The following ECE1 variants were observed in gnomAD, a reference collection of about 807,000 sequenced individuals.
The protein encoded by ECE1 is endothelin converting enzyme 1.
A neutral mutation model predicts 98.6 loss-of-function variants in ECE1; 35 were observed. The observed-to-expected ratio is 0.35, with a 90% CI of 0.27 to 0.47. The LOEUF (loss-of-function observed/expected upper bound fraction) is 0.47. ECE1 is among the 20% of genes least tolerant of loss of function. The probability of loss-of-function intolerance (pLI) is 1.00; values close to 1 mark genes in which losing one functional copy is unlikely to be tolerated. For missense variants in ECE1, 814 were observed against 1,025.3 expected, an observed-to-expected ratio of 0.79 and a Z score of 2.81; for synonymous variants, 394 against 407.1, an observed-to-expected ratio of 0.97 and a Z score of 0.39.
intron 1 of ECE1, among the ~76,000 whole-genome samples, chr1:21,341,006 C>T (rs2103420921): frequency 6.6e-6 from 1 of 152,180 alleles, no homozygotes; most frequent in South Asian, 2.1e-4. Flanking sequence ...GCACAGCGGT[C>T]TGTACTCTTG....
At chr1:21,304,302 C>T (rs1453096156) in intron 1 of ECE1, among the ~76,000 whole-genome samples, 3 of 120,706 alleles carry the variant, frequency 2.5e-5, no homozygotes, top group South Asian at 2.7e-4. Flanking sequence ...GGCAACAGAG[C>T]GAGACTCCCT....
In ECE1 at chr1:21,225,082, C is replaced by A. The variant is rs983967121; in HGVS notation, c.2040+168G>T. ...AAGCCCTGTGGTGGGGGAGCCTCCA[C>A]GGTCGGCATCGCGATTGGTCCTCGC... On this transcript the variant is annotated intron_variant, in intron 17 of 18. Transcript: ENST00000374893. The surrounding 1 kb of genome is among the most constrained non-coding windows in gnomAD (Gnocchi z 5.3). Among the ~76,000 whole-genome samples the A allele has an allele frequency of 6.6e-6, 1 of 152,208 alleles. No homozygotes were observed. The highest frequency in any genetic ancestry group is 1.5e-5 in the Non-Finnish European group (1 of 68,036).
intron 1 of ECE1, among the ~76,000 whole-genome samples, chr1:21,328,284 A>C (rs938991178): frequency 6.6e-6 from 1 of 152,176 alleles, no homozygotes; most frequent in Non-Finnish European, 1.5e-5. Context: ...GGCTCCTCTG[A>C]CATAAACTCC....
At chr1:21,244,317 C>T (rs1443056882) in intron 10 of ECE1, among the ~76,000 whole-genome samples, 1 of 152,142 alleles carries the variant, frequency 6.6e-6, no homozygotes, top group African/African-American at 2.4e-5. Flanking sequence ...GGGTACAGAC[C>T]CCAGCTCACC....
At chr1:21,247,096 C>T (rs2098204723) in intron 9 of ECE1, 125 bp downstream of exon 9, 2 of 1,355,344 alleles carry the variant, frequency 1.5e-6, no homozygotes, top group African/African-American at 1.4e-5. Context: ...GTCCTGCTGC[C>T]TCTCGTAAAA....
In ECE1 at chr1:21,258,669, C is replaced by G. The variant is rs201197078; in HGVS notation, c.762+24G>C. The G allele has an allele frequency of 6.8e-6, 11 of 1,614,128 alleles. No individual in the cohort carries two copies. In the East Asian group the frequency reaches 2.5e-4, roughly 36 times the overall value. On this transcript the variant is annotated intron_variant, in intron 6 of 18. Transcript: ENST00000374893. This position sits in a 1 kb window ranked among gnomAD's most constrained non-coding sequence, Gnocchi z 4.2. ...AAGAGGTCGTGCCCGCCCCCTCGAC[C>G]GCTGCAGGTTCAAGCTAGCTCACCT...
At chr1:21,309,992 G>A (rs531283994) in intron 1 of ECE1, among the ~76,000 whole-genome samples, 5 of 146,692 alleles carry the variant, frequency 3.4e-5, no homozygotes, top group South Asian at 4.2e-4. Flanking sequence ...GGGTTTCACC[G>A]TGTTAGCCAG....
chr1:21,303,992 C>A (rs1638541488), intron 1 of ECE1, among the ~76,000 whole-genome samples: 2 of 146,116 alleles, frequency 1.4e-5, no homozygotes, highest in Non-Finnish European at 3.0e-5. Flanking sequence ...GATATTATTT[C>A]AAAAAAATGA....
intron 12 of ECE1, among the ~76,000 whole-genome samples, chr1:21,236,532 C>A (rs1007177081): frequency 2.6e-5 from 4 of 152,194 alleles, no homozygotes; most frequent in African/African-American, 7.2e-5. Flanking sequence ...GCCTGTAATC[C>A]CAGCTGCTCG....
At chr1:21,323,981 G>A (rs998398002) in intron 1 of ECE1, among the ~76,000 whole-genome samples, 2 of 151,890 alleles carry the variant, frequency 1.3e-5, no homozygotes, top group African/African-American at 4.8e-5. Flanking sequence ...CACCATGCCC[G>A]GCTAATTTTT....
intron 10 of ECE1, among the ~76,000 whole-genome samples, chr1:21,240,584 TAGGC>T (rs2098194826): frequency 6.6e-6 from 1 of 150,694 alleles, no homozygotes; most frequent in Non-Finnish European, 1.5e-5. Context: ...AAATTCCTTC[TAGGC>T]AAGAAAGAAA....
At chr1:21,317,252 T>C (rs213014) in intron 1 of ECE1, among the ~76,000 whole-genome samples, 71,001 of 152,098 alleles carry the variant, frequency 0.47, 16,795 homozygotes, top group African/African-American at 0.54. Flanking sequence ...CATGCGATCC[T>C]AGTCTTCTCT....
intron 11 of ECE1, among the ~76,000 whole-genome samples, chr1:21,237,085 G>A (rs895284541): frequency 1.7e-4 from 26 of 151,990 alleles, no homozygotes; most frequent in African/African-American, 5.3e-4. Context: ...GATGAGCTTC[G>A]GGAAAGTTGG....
chr1:21,324,275 T>C (rs545296813), intron 1 of ECE1, among the ~76,000 whole-genome samples: 29 of 152,322 alleles, frequency 1.9e-4, no homozygotes, highest in African/African-American at 6.3e-4. Flanking sequence ...TAGCTGGGAC[T>C]ACAGATGTGC....
chr1:21,253,834 G>A lies in ECE1; in HGVS notation c.1020+2113C>T, dbSNP rs1323348515. 4.6e-5 allele frequency among the ~76,000 whole-genome samples: 7 copies of A among 150,694 alleles called. 1 individual carries two copies. The East Asian group carries it at 7.9e-4, about 17-fold the overall frequency. On this transcript the variant is annotated intron_variant, in intron 8 of 18. Coordinates refer to ENST00000374893, the MANE Select transcript of ECE1 (RefSeq NM_001397.3). ...GCCTGTAATCCCAGCACTTTGGGAC[G>A]CCGAGGCGGGTGGATTATGAGGTCA...
rs1340788360 is a variant in ECE1 at position 21,217,761 on chromosome 1, T to C, written c.*2194A>G. On this transcript the variant is annotated 3_prime_UTR_variant, in exon 19 of 19. Transcript: ENST00000374893. ...GCTTCTGCTTCAGCTACTTCTCGGG[T>C]TCCTGTCTCCTCTGCAGAGCTACCA... The C allele has an allele frequency of 6.6e-6, 1 of 152,388 alleles. No homozygotes were observed. The highest frequency in any genetic ancestry group is 1.9e-4 in the East Asian group (1 of 5,198). The allele number at this position is 152,388 out of a possible 1,614,324, so 9.4% of individuals were successfully genotyped here. A position where few individuals can be genotyped will look rare whatever the true frequency, so the allele number is the denominator to read the frequency against.
intron 1 of ECE1, among the ~76,000 whole-genome samples, chr1:21,334,982 C>T (rs924543099): frequency 6.6e-6 from 1 of 152,128 alleles, no homozygotes; most frequent in Non-Finnish European, 1.5e-5. Context: ...CCTCCAGTGG[C>T]TTCCCACCAC....
chr1:21,258,286 G>A lies in ECE1; in HGVS notation c.762+407C>T, dbSNP rs995766162. Among the ~76,000 whole-genome samples, 4 of 152,232 alleles carry A rather than the reference G, an allele frequency of 2.6e-5. No homozygotes were observed. Among genetic ancestry groups the A allele is most frequent in the African/African-American group, 9.6e-5 (4 of 41,464 alleles). On this transcript the variant is annotated intron_variant, in intron 6 of 18. Transcript: ENST00000374893. The surrounding 1 kb of genome is among the most constrained non-coding windows in gnomAD (Gnocchi z 4.2). ...CACTTCTGCATTGGAGGTTGGGGCAGACCAGTGCTGGAGCTCCCCTGGGCA... is the reference window on the plus strand; with the variant it reads ...CACTTCTGCATTGGAGGTTGGGGCAAACCAGTGCTGGAGCTCCCCTGGGCA...
Position 21,227,247 on chromosome 1 carries a change from G to A in ECE1, c.1782-21C>T, listed in dbSNP as rs776288375. ...AGGCCCTGGAGGGAAAGACACAAAG[G>A]TAGAGATGATGCTTTGAGAGGAGGG... On this transcript the variant is annotated intron_variant, in intron 15 of 18. Coordinates refer to ENST00000374893, the MANE Select transcript of ECE1 (RefSeq NM_001397.3). 4 of 1,612,084 alleles carry A rather than the reference G, an allele frequency of 2.5e-6. No individual in the cohort carries two copies. The African/African-American group carries it at 5.3e-5, about 22-fold the overall frequency.
Sources: allele counts gnomAD v4.1 joint callset (sites outside exome capture counted in the v4.1 genomes callset), GRCh38; gene constraint gnomAD v4.1.1; non-coding constraint Gnocchi (gnomAD v3.1); transcripts MANE v1.5; gene names NCBI Gene and HGNC (gene_info 2026-07-23, HGNC 2026-07-21).